SPRED2: variants seen among roughly 807,000 people sequenced by gnomAD.
The protein encoded by SPRED2 is sprouty related EVH1 domain containing 2.
In SPRED2, 47 loss-of-function variants were observed where a neutral mutation model predicts 43.0. The ratio of observed to expected loss-of-function variants is 1.09; its 90% CI spans 0.87 to 1.40. The LOEUF (loss-of-function observed/expected upper bound fraction) is 1.40, where lower values mean the gene tolerates loss of function less well. Ranked by LOEUF, SPRED2 falls within the 40% of genes most tolerant of loss-of-function variation. The pLI is 0.00. For missense variants in SPRED2, 561 were observed against 586.4 expected, an observed-to-expected ratio of 0.96 and a Z score of 0.45; for synonymous variants, 225 against 225.7, an observed-to-expected ratio of 1.00 and a Z score of 0.03.
At chr2:65,377,374 C>T (rs865780093) in intron 1 of SPRED2, among the ~76,000 whole-genome samples, 5 of 152,256 alleles carry the variant, frequency 3.3e-5, no homozygotes, top group Middle Eastern at 6.8e-3. Flanking sequence ...ATGAATGATG[C>T]ATACGTGGTA....
chr2:65,428,546 T>C (rs1676607259), intron 1 of SPRED2, among the ~76,000 whole-genome samples: 1 of 152,348 alleles, frequency 6.6e-6, no homozygotes, highest in South Asian at 2.1e-4. Context: ...TCTTGAGAAG[T>C]AAGCTCAAAT....
chr2:65,419,578 TGTGTGTGTGTG>T (rs148286002), intron 1 of SPRED2, among the ~76,000 whole-genome samples: 5,769 of 19,370 alleles, frequency 0.3, 360 homozygotes, highest in African/African-American at 0.52. Context: ...GGATTATAGT[TGTGTGTGTGTG>T]TGTGTGTGTG....
chr2:65,315,265 C>T (rs1216235171), intron 5 of SPRED2, among the ~76,000 whole-genome samples: 2 of 149,320 alleles, frequency 1.3e-5, no homozygotes, highest in African/African-American at 2.6e-5. Flanking sequence ...CTAGCTAGTA[C>T]CTAAGACTCA....
intron 1 of SPRED2, among the ~76,000 whole-genome samples, chr2:65,394,919 A>G (rs1325108254): frequency 2.0e-5 from 3 of 152,142 alleles, no homozygotes; most frequent in African/African-American, 7.2e-5. Context: ...AATGTATGCT[A>G]ATTGTAGTGA....
At chr2:65,396,493 T>C (rs79846163) in intron 1 of SPRED2, among the ~76,000 whole-genome samples, 1 of 152,250 alleles carries the variant, frequency 6.6e-6, no homozygotes, top group Non-Finnish European at 1.5e-5. Context: ...CTCCACACGG[T>C]CCTGCATATA....
chr2:65,406,932 T>TC (rs1491285869), intron 1 of SPRED2, among the ~76,000 whole-genome samples: 2 of 119,440 alleles, frequency 1.7e-5, no homozygotes, highest in Non-Finnish European at 3.8e-5. Flanking sequence ...TTAGTCTCTC[T>TC]TTTTTTTTTT....
At chr2:65,365,326 C>T (rs1674942550) in intron 1 of SPRED2, among the ~76,000 whole-genome samples, 1 of 152,152 alleles carries the variant, frequency 6.6e-6, no homozygotes, top group Non-Finnish European at 1.5e-5. Flanking sequence ...AAAGTACACC[C>T]CTTAATCTAC....
chr2:65,356,618 G>C (rs768461610), intron 1 of SPRED2, among the ~76,000 whole-genome samples: 6 of 135,394 alleles, frequency 4.4e-5, no homozygotes, highest in Non-Finnish European at 6.1e-5. Flanking sequence ...CTAATAAGAA[G>C]GTCAGGAAAT....
Position 65,372,393 on chromosome 2 carries a change from G to T in SPRED2, c.27-27497C>A, listed in dbSNP as rs548310007. On this transcript the variant is annotated intron_variant, in intron 1 of 5. Transcript: ENST00000356388. The stretch of plus-strand genomic sequence containing the variant: ...CAAAATACATTAGAAATATGGGAAA[G>T]TCACTCTGGGAAAGTATGGGAAGAG... Among the ~76,000 whole-genome samples, 19 of 152,288 alleles carry T rather than the reference G, an allele frequency of 1.2e-4. No individual in the cohort carries two copies. In the South Asian group the frequency reaches 3.9e-3, roughly 32 times the overall value.
intron 1 of SPRED2, among the ~76,000 whole-genome samples, chr2:65,431,715 A>C (rs1378576478): frequency 6.6e-6 from 1 of 151,584 alleles, no homozygotes; most frequent in Non-Finnish European, 1.5e-5. Context: ...GGTCACCCGC[A>C]CGCCCTTGGC....
At chr2:65,424,254 T>C (rs1388050436) in intron 1 of SPRED2, among the ~76,000 whole-genome samples, 12 of 152,068 alleles carry the variant, frequency 7.9e-5, no homozygotes, top group Admixed American at 2.0e-4. Flanking sequence ...CATGGCAGCC[T>C]CTCCTTTAGT....
At chr2:65,323,336 A>G (rs1673492759) in intron 4 of SPRED2, among the ~76,000 whole-genome samples, 1 of 152,172 alleles carries the variant, frequency 6.6e-6, no homozygotes, top group African/African-American at 2.4e-5. Flanking sequence ...AAAACCACAT[A>G]CTTTGAGTAG....
chr2:65,396,101 A>G (rs954102981), intron 1 of SPRED2, among the ~76,000 whole-genome samples: 8 of 152,188 alleles, frequency 5.3e-5, no homozygotes, highest in African/African-American at 9.7e-5. Flanking sequence ...TTATGAGGAA[A>G]AAAGTTTTCT....
chr2:65,399,205 G>C (rs1675825226), intron 1 of SPRED2, among the ~76,000 whole-genome samples: 1 of 150,160 alleles, frequency 6.7e-6, no homozygotes, highest in Admixed American at 6.6e-5. Flanking sequence ...GGAGGCAGAG[G>C]TTGCGGTGAG....
chr2:65,378,398 T>C lies in SPRED2; in HGVS notation c.27-33502A>G, dbSNP rs527303170. On this transcript the variant is annotated intron_variant, in intron 1 of 5. Transcript: ENST00000356388. ...TGAAGTATTTATAGATGAAATTATA[T>C]GTCAGGGATTTGCTTTAAAATACTG... Among the ~76,000 whole-genome samples, 4 of 152,308 alleles carry C rather than the reference T, an allele frequency of 2.6e-5. No individual in the cohort carries two copies. The East Asian group carries it at 5.8e-4, about 22-fold the overall frequency.
At chr2:65,391,011 C>T (rs1380815185) in intron 1 of SPRED2, among the ~76,000 whole-genome samples, 1 of 150,702 alleles carries the variant, frequency 6.6e-6, no homozygotes, top group Admixed American at 6.6e-5. Flanking sequence ...TCGCTTGAGC[C>T]TGGGAGGCAG....
chr2:65,325,189 A>T (rs1673573161), intron 4 of SPRED2, among the ~76,000 whole-genome samples: 1 of 152,348 alleles, frequency 6.6e-6, no homozygotes, highest in Non-Finnish European at 1.5e-5. Flanking sequence ...AGAGGCAAGG[A>T]AACAAGTACA....
Position 65,316,719 on chromosome 2 carries a change from A to C in SPRED2, c.588+15T>G, listed in dbSNP as rs764248188. The C allele has an allele frequency of 1.9e-6, 3 of 1,602,592 alleles. No homozygotes were observed. The South Asian group carries it at 3.4e-5, about 18-fold the overall frequency. ...ACCACCCTGATGCCCTCAGAGGAAC[A>C]GGGCTGCTGCTCACCTGATCGAGGT... On this transcript the variant is annotated intron_variant, in intron 5 of 5. Coordinates refer to ENST00000356388, the MANE Select transcript of SPRED2 (RefSeq NM_181784.3).
intron 1 of SPRED2, chr2:65,366,562 A>G (rs1354561663): frequency 1.2e-5 from 18 of 1,547,172 alleles, no homozygotes; most frequent in Admixed American, 1.0e-4. Context: ...ATGAAAAAAT[A>G]AAGTTCATGT....
Sources: gnomAD v4.1 joint callset for allele counts (sites outside exome capture counted in the v4.1 genomes callset) on GRCh38, gnomAD v4.1.1 for gene constraint, MANE v1.5 for transcripts, NCBI Gene and HGNC (gene_info 2026-07-23, HGNC 2026-07-21) for gene names.